PRDM5: variants seen among roughly 807,000 people sequenced by gnomAD.
PRDM5 encodes the protein PR/SET domain 5.
Under a neutral mutation model 81.2 loss-of-function variants are expected in PRDM5, and 56 were observed. The observed-to-expected ratio is 0.69, with a 90% CI of 0.56 to 0.86. The LOEUF is 0.86. PRDM5 is among the 40% of genes least tolerant of loss of function. The probability of loss-of-function intolerance (pLI) is 0.00; values close to 1 mark genes in which losing one functional copy is unlikely to be tolerated. For missense variants in PRDM5, 697 were observed against 770.1 expected, an observed-to-expected ratio of 0.91 and a Z score of 1.12; for synonymous variants, 267 against 256.4, an observed-to-expected ratio of 1.04 and a Z score of -0.39.
In PRDM5 at chr4:120,715,450, C is replaced by T. The variant is rs1419637885; in HGVS notation, c.1624-5037G>A. On this transcript the variant is annotated intron_variant, in intron 14 of 15. Coordinates refer to ENST00000264808, the MANE Select transcript of PRDM5 (RefSeq NM_018699.4). ...AAAAATGTTCAATTTTCTTTGCAGTCCAAAAAATATAATGTGCTTTCCCCT... is the reference window on the plus strand; with the variant it reads ...AAAAATGTTCAATTTTCTTTGCAGTTCAAAAAATATAATGTGCTTTCCCCT... 2.0e-5 allele frequency among the ~76,000 whole-genome samples: 3 copies of T among 152,084 alleles called. No individual in the cohort carries two copies. The East Asian group carries it at 5.8e-4, about 29-fold the overall frequency.
At chr4:120,712,643 C>T (rs181012744) in intron 14 of PRDM5, among the ~76,000 whole-genome samples, 111 of 152,214 alleles carry the variant, frequency 7.3e-4, no homozygotes, top group African/African-American at 2.6e-3. Flanking sequence ...TATTATTTTG[C>T]CATTTGAAAG....
At chr4:120,871,922 G>T (rs773132737) in intron 2 of PRDM5, among the ~76,000 whole-genome samples, 1 of 151,872 alleles carries the variant, frequency 6.6e-6, no homozygotes, top group Non-Finnish European at 1.5e-5. Flanking sequence ...GGAGGCCGAG[G>T]TGGGCAGATC....
At chr4:120,883,899 A>G (rs1034638342) in intron 2 of PRDM5, among the ~76,000 whole-genome samples, 2 of 152,216 alleles carry the variant, frequency 1.3e-5, no homozygotes, top group Admixed American at 6.5e-5. Context: ...TGGAGTGATG[A>G]AAATATTCTA....
chr4:120,720,336 G>A (rs1048676031), intron 14 of PRDM5, among the ~76,000 whole-genome samples: 10 of 152,128 alleles, frequency 6.6e-5, no homozygotes, highest in African/African-American at 2.4e-4. Context: ...TGTGATTTTC[G>A]GAGTCCTCCA....
intron 14 of PRDM5, among the ~76,000 whole-genome samples, chr4:120,737,571 C>T (rs2149099428): frequency 6.6e-6 from 1 of 152,326 alleles, no homozygotes; most frequent in East Asian, 1.9e-4. Flanking sequence ...TCCTGACAGA[C>T]ACAAGCAGGG....
chr4:120,704,500 T>C (rs1735827395), intron 15 of PRDM5, among the ~76,000 whole-genome samples: 2 of 152,190 alleles, frequency 1.3e-5, no homozygotes, highest in Non-Finnish European at 2.9e-5. Flanking sequence ...TAAACTGATT[T>C]TGTTTTAAAA....
chr4:120,716,428 T>C (rs984590424), intron 14 of PRDM5, among the ~76,000 whole-genome samples: 14 of 152,164 alleles, frequency 9.2e-5, no homozygotes, highest in African/African-American at 2.7e-4. Context: ...CCTAGAACCA[T>C]TTAAAGCCAG....
intron 8 of PRDM5, among the ~76,000 whole-genome samples, chr4:120,810,722 G>T (rs1753720181): frequency 6.6e-6 from 1 of 152,098 alleles, no homozygotes; most frequent in African/African-American, 2.4e-5. Flanking sequence ...TACATGGAAG[G>T]TTAGTGATAG....
chr4:120,754,720 A>G, intron 13 of PRDM5, 82 bp from the exon 14 acceptor site: 1 of 983,830 alleles, frequency 1.0e-6, no homozygotes, highest in Non-Finnish European at 1.6e-6. Context: ...ACACACTCAG[A>G]TCCTGGCCAC....
intron 10 of PRDM5, among the ~76,000 whole-genome samples, chr4:120,795,516 T>G (rs1751217760): frequency 6.8e-6 from 1 of 146,284 alleles, no homozygotes; most frequent in African/African-American, 2.6e-5. Context: ...TCAGAAAAAA[T>G]GAAGAAGAAA....
chr4:120,859,096 C>T (rs1002891723), intron 2 of PRDM5, among the ~76,000 whole-genome samples: 1 of 152,050 alleles, frequency 6.6e-6, no homozygotes, highest in Non-Finnish European at 1.5e-5. Context: ...GGGTATTTTG[C>T]AATCATAAGG....
intron 15 of PRDM5, among the ~76,000 whole-genome samples, chr4:120,702,452 CAT>C (rs1197562435): frequency 6.6e-6 from 1 of 152,212 alleles, no homozygotes; most frequent in Non-Finnish European, 1.5e-5. Context: ...TAAATGCTCT[CAT>C]AGCGGCCTTT....
intron 13 of PRDM5, among the ~76,000 whole-genome samples, chr4:120,769,387 AG>A (rs1746899349): frequency 6.6e-6 from 1 of 152,158 alleles, no homozygotes; most frequent in Non-Finnish European, 1.5e-5. Context: ...AGGCAGGGGT[AG>A]GGGACAGGTC....
chr4:120,900,377 T>A (rs1379668128), intron 2 of PRDM5, among the ~76,000 whole-genome samples: 1 of 152,092 alleles, frequency 6.6e-6, no homozygotes, highest in Non-Finnish European at 1.5e-5. Context: ...TCTTATACTC[T>A]AGGGATTCCA....
At chr4:120,859,138 C>T (rs2667192) in intron 2 of PRDM5, among the ~76,000 whole-genome samples, 114,946 of 151,918 alleles carry the variant, frequency 0.76, 43,663 homozygotes, top group East Asian at 0.88. Flanking sequence ...GGGCCCACAA[C>T]GGCTACAGGC....
At chr4:120,848,258 G>C (rs2149407437) in intron 3 of PRDM5, among the ~76,000 whole-genome samples, 1 of 152,290 alleles carries the variant, frequency 6.6e-6, no homozygotes, top group Non-Finnish European at 1.5e-5. Flanking sequence ...AAATTAACCT[G>C]CTTTGAAAAT....
In PRDM5 at chr4:120,922,599, T is replaced by C; in HGVS notation, c.10A>G (p.Met4Val). MLG[M>V]YVPDRFSLKS... is the part of the protein sequence containing the mutation. ...AGGGAGAACCTGTCCGGCACGTACA[T>C]GCCCAGCATTTTCCCGGGCGCGGCG... Residue 4 changes from methionine to valine, a missense_variant, in exon 1 of 16, where the codon ATG (methionine) becomes GTG (valine). Met to Val is a conservative substitution (Grantham distance 21). This residue lies in a region of PRDM5 where 577 missense variants were observed against 606.7 expected (regional missense o/e 0.95). Coordinates refer to ENST00000264808, the MANE Select transcript of PRDM5 (RefSeq NM_018699.4). 6.2e-7 allele frequency: 1 copy of C among 1,606,436 alleles called. No individual in the cohort carries two copies. Among genetic ancestry groups the C allele is most frequent in the Non-Finnish European group, 8.5e-7 (1 of 1,177,258 alleles).
chr4:120,798,341 C>A lies in PRDM5; in HGVS notation c.1114G>T (p.Glu372Ter), dbSNP rs369580755. 36 of 1,612,972 alleles carry A rather than the reference C, an allele frequency of 2.2e-5. No homozygotes were observed. The highest frequency in any genetic ancestry group is 2.9e-5 in the Non-Finnish European group (34 of 1,179,466). The change falls in exon 10 of 16, where the codon GAA (glutamate) becomes TAA (stop). Residue 372 changes from glutamate to a stop codon, truncating the protein, a stop_gained. Coordinates refer to ENST00000264808, the MANE Select transcript of PRDM5 (RefSeq NM_018699.4). LOFTEE classifies it high-confidence loss of function. ...QVGAHKVIHS[E>*]DKPYKCKLCG... ...AGTTTGCATTTGTAAGGTTTGTCTT[C>A]GCTGTGTATTACTTTGTGAGCACCC...
intron 14 of PRDM5, among the ~76,000 whole-genome samples, chr4:120,747,185 C>T (rs1743233112): frequency 6.7e-6 from 1 of 149,154 alleles, no homozygotes; most frequent in Non-Finnish European, 1.5e-5. Context: ...ATCGCAAGAA[C>T]AAAAAACCAA....
Sources: gnomAD v4.1 joint callset for allele counts (sites outside exome capture counted in the v4.1 genomes callset) on GRCh38, gnomAD v4.1.1 for gene constraint, gnomAD v4.1.1 regional missense constraint, MANE v1.5 for transcripts, NCBI Gene and HGNC (gene_info 2026-07-23, HGNC 2026-07-21) for gene names.